The following GFM2 variants were observed in gnomAD, a reference collection of about 807,000 sequenced individuals.
GFM2 encodes the protein ribosome-releasing factor 2, mitochondrial.
In GFM2, 72 loss-of-function variants were observed where a neutral mutation model predicts 95.4. The ratio of observed to expected loss-of-function variants is 0.76; its 90% confidence interval spans 0.62 to 0.92. GFM2 has a LOEUF of 0.92. GFM2 is among the 40% of genes least tolerant of loss of function. The probability of loss-of-function intolerance (pLI) is 0.00; values close to 1 mark genes in which losing one functional copy is unlikely to be tolerated. For synonymous variants in GFM2, 276 were observed against 317.5 expected (o/e 0.87, Z 1.39); for missense variants, 825 against 924.1 (o/e 0.89, Z 1.39).
Position 74,736,816 on chromosome 5 carries a change from G to C in GFM2, c.1490C>G (p.Pro497Arg). The C allele has an allele frequency of 6.2e-7, 1 of 1,613,922 alleles. No homozygotes were observed. The highest frequency in any genetic ancestry group is 8.5e-7 in the Non-Finnish European group (1 of 1,179,818). ...EPVFFCTIEP[P>R]SLSKQPDLEH... ...TATACCTGGCTGCTTAGACAGTGATGGGGGTTCTATGGTACAGAAGAAAAC... is the reference window on the plus strand; with the variant it reads ...TATACCTGGCTGCTTAGACAGTGATCGGGGTTCTATGGTACAGAAGAAAAC... The change falls in exon 15 of 21, where the codon CCA (proline) becomes CGA (arginine). Residue 497 changes from proline to arginine, a missense_variant. Pro to Arg is a moderately radical substitution (Grantham distance 103). Transcript: ENST00000296805.
Position 74,736,899 on chromosome 5 carries a change from G to A in GFM2, c.1407C>T (p.His469=), listed in dbSNP as rs1171791420. 3 of 1,613,874 alleles carry A rather than the reference G, an allele frequency of 1.9e-6. No individual in the cohort carries two copies. Among genetic ancestry groups the A allele is most frequent in the Admixed American group, 3.3e-5 (2 of 59,978 alleles). ...RRAEREGEKK[H]RQNNEAERLL... ...GTCTCTCTGCTTCATTGTTTTGTCT[G>A]TGCTTCTTTTCTCCCTCCCGTTCGG... The change falls in exon 15 of 21, where the codon CAC becomes CAT. Residue 469 remains histidine, a synonymous_variant. Transcript: ENST00000296805.
intron 5 of GFM2, among the ~76,000 whole-genome samples, chr5:74,753,419 G>A (rs1743817346): frequency 1.3e-5 from 2 of 152,096 alleles, no homozygotes; most frequent in Admixed American, 6.5e-5. Flanking sequence ...CCAACATGGT[G>A]AAACCTTGTC....
chr5:74,746,126 CT>C lies in GFM2; in HGVS notation c.647del (p.Lys216ArgfsTer23). 1 of 1,550,158 alleles carries C rather than the reference CT, an allele frequency of 6.5e-7. No homozygotes were observed. Among genetic ancestry groups the C allele is most frequent in the East Asian group, 2.3e-5 (1 of 43,870 alleles). On this transcript the variant is annotated frameshift_variant, in exon 9 of 21. Coordinates refer to ENST00000296805, the MANE Select transcript of GFM2 (RefSeq NM_032380.5). LOFTEE classifies it high-confidence loss of function. ...YAVESIREKL[K>X]AKPLLLQLPI... ...TTACCTGTAAAAGCAAAGGCTTTGCCTTTAACTTCTCTCTGATGCTTTCAAC... is the reference window on the plus strand; with the variant it reads ...TTACCTGTAAAAGCAAAGGCTTTGCCTTAACTTCTCTCTGATGCTTTCAAC...
chr5:74,764,154 A>C (rs1744423101), intron 1 of GFM2, among the ~76,000 whole-genome samples: 1 of 152,242 alleles, frequency 6.6e-6, no homozygotes, highest in South Asian at 2.1e-4. Flanking sequence ...ATTGGCAGTA[A>C]AATTTATTGA....
rs1180906582 is a variant in GFM2 at position 74,760,861 on chromosome 5, C to G, written c.148+41G>C. On this transcript the variant is annotated intron_variant, in intron 3 of 20. Coordinates refer to ENST00000296805, the MANE Select transcript of GFM2 (RefSeq NM_032380.5). ...AACAAGAGAGAGAAAAGAGATAAAG[C>G]AAACAGCTTAGATAAAATTAGAAGA... 3 of 1,242,634 alleles carry G rather than the reference C, an allele frequency of 2.4e-6. No homozygotes were observed. In the South Asian group the frequency reaches 3.8e-5, roughly 16 times the overall value. The allele number at this position is 1,242,634 out of a possible 1,614,324, so 77.0% of individuals were successfully genotyped here. A position where few individuals can be genotyped will look rare whatever the true frequency, so the allele number is the denominator to read the frequency against.
intron 5 of GFM2, among the ~76,000 whole-genome samples, chr5:74,758,484 C>T (rs961879056): frequency 6.6e-6 from 1 of 152,132 alleles, no homozygotes; most frequent in Non-Finnish European, 1.5e-5. Flanking sequence ...CACCTTGCAT[C>T]TAATCCATTA....
intron 5 of GFM2, among the ~76,000 whole-genome samples, chr5:74,756,378 A>G (rs1743982760): frequency 6.6e-6 from 1 of 152,152 alleles, no homozygotes; most frequent in Non-Finnish European, 1.5e-5. Context: ...TCAAAAAATA[A>G]CAGATGTTGG....
chr5:74,724,817 C>G (rs1335380614), intron 19 of GFM2, among the ~76,000 whole-genome samples: 1 of 152,016 alleles, frequency 6.6e-6, no homozygotes, highest in African/African-American at 2.4e-5. Context: ...AAAGCAATCA[C>G]CTAAGAAATT....
At chr5:74,732,439 C>T (rs564243130) in intron 16 of GFM2, among the ~76,000 whole-genome samples, 1 of 151,960 alleles carries the variant, frequency 6.6e-6, no homozygotes, top group Admixed American at 6.6e-5. Flanking sequence ...TAAGAAACTC[C>T]TTCTAAAATC....
At chr5:74,736,491 GTCTAA>G in intron 15 of GFM2, 8 of 985,150 alleles carry the variant, frequency 8.1e-6, no homozygotes, top group Non-Finnish European at 8.4e-6. Flanking sequence ...ATCAGTTACT[GTCTAA>G]TCTAATATAC....
At chr5:74,740,546 A>G (rs1039460436) in intron 11 of GFM2, among the ~76,000 whole-genome samples, 3 of 152,170 alleles carry the variant, frequency 2.0e-5, no homozygotes, top group Admixed American at 6.5e-5. Context: ...CATATTAAAC[A>G]AAATCCTAAG....
intron 2 of GFM2, among the ~76,000 whole-genome samples, chr5:74,761,595 A>G (rs1036870803): frequency 6.6e-6 from 1 of 152,212 alleles, no homozygotes; most frequent in Non-Finnish European, 1.5e-5. Context: ...AGAGAAAATG[A>G]GAACTGGAGG....
chr5:74,747,914 C>G lies in GFM2; in HGVS notation c.520-134G>C, dbSNP rs1201836854. 8 of 573,736 alleles carry G rather than the reference C, an allele frequency of 1.4e-5. No individual in the cohort carries two copies. In the East Asian group the frequency reaches 2.0e-4, roughly 14 times the overall value. The allele number at this position is 573,736 out of a possible 1,614,324, so 35.5% of individuals were successfully genotyped here. A position where few individuals can be genotyped will look rare whatever the true frequency, so the allele number is the denominator to read the frequency against. ...CTAGCAGAGAATTAGTGCAACTGCA[C>G]TTATATTTTTAGGGTCACTCTTTAG... On this transcript the variant is annotated intron_variant, in intron 7 of 20. Coordinates refer to ENST00000296805, the MANE Select transcript of GFM2 (RefSeq NM_032380.5).
intron 10 of GFM2, 35 bp downstream of exon 10, chr5:74,745,643 C>A: frequency 6.6e-7 from 1 of 1,524,864 alleles, no homozygotes; most frequent in South Asian, 1.2e-5. Context: ...GTGGTGCACA[C>A]ATTGGTGTTC....
chr5:74,759,832 G>A (rs886141321), intron 3 of GFM2, among the ~76,000 whole-genome samples: 36 of 152,132 alleles, frequency 2.4e-4, no homozygotes, highest in African/African-American at 7.7e-4. Flanking sequence ...GGTTTGAAGA[G>A]CTAAGAGTGA....
chr5:74,742,403 T>C (rs1006734188), intron 10 of GFM2, among the ~76,000 whole-genome samples: 3 of 152,186 alleles, frequency 2.0e-5, no homozygotes, highest in Non-Finnish European at 4.4e-5. Flanking sequence ...TACCCACTTG[T>C]TCAAATTTTG....
chr5:74,733,141 A>G, intron 15 of GFM2, 43 bp from the exon 16 acceptor site: 1 of 1,365,656 alleles, frequency 7.3e-7, no homozygotes, highest in Non-Finnish European at 1.0e-6. Context: ...CATTTTTTAA[A>G]TAATTTATTA....
rs368894755 is a variant in GFM2 at position 74,746,169 on chromosome 5, T to C, written c.609-4A>G. On this transcript the variant is annotated splice_region_variant and splice_polypyrimidine_tract_variant and intron_variant, in intron 8 of 20. Coordinates refer to ENST00000296805, the MANE Select transcript of GFM2 (RefSeq NM_032380.5). ...GCTTTCAACTGCATACTTAAAGCTG[T>C]AGAAAGCAAAATAATTATAGTTAAA... is the stretch of plus-strand genomic sequence containing the variant. The C allele has an allele frequency of 1.4e-5, 20 of 1,472,836 alleles. No homozygotes were observed. Among genetic ancestry groups the C allele is most frequent in the Admixed American group, 7.4e-5 (3 of 40,322 alleles). 91.2% of individuals were successfully genotyped at this position (1,472,836 alleles called of 1,614,324 possible). A position where few individuals can be genotyped will look rare whatever the true frequency, so the allele number is the denominator to read the frequency against.
At position 74,721,545 on chromosome 5, in the gene GFM2, A is replaced by G; in HGVS notation, c.*110T>C. 8.6e-7 allele frequency: 1 copy of G among 1,163,392 alleles called. No homozygotes were observed. The highest frequency in any genetic ancestry group is 2.1e-5 in the Admixed American group (1 of 48,020). The allele number at this position is 1,163,392 out of a possible 1,614,324, so 72.1% of individuals were successfully genotyped here. On this transcript the variant is annotated 3_prime_UTR_variant, in exon 21 of 21. Transcript: ENST00000296805. ...TTATATCTTTTATCTAGTTCTCTGA[A>G]TGTACTGAAACAGTACTTTATTCGT...
Sources: gnomAD v4.1 joint callset for allele counts (sites outside exome capture counted in the v4.1 genomes callset) on GRCh38, gnomAD v4.1.1 for gene constraint, MANE v1.5 for transcripts, NCBI Gene and HGNC (gene_info 2026-07-23, HGNC 2026-07-21) for gene names.